The following MEGF11 variants were observed in gnomAD, a reference collection of about 807,000 sequenced individuals.
MEGF11 encodes the protein multiple EGF like domains 11, also known as multiple epidermal growth factor-like domains protein 11.
MEGF11 carries 126 observed loss-of-function variants against 146.6 expected under a neutral mutation model. The observed-to-expected ratio is 0.86, with a 90% confidence interval of 0.74 to 1.00. The LOEUF is 1.00. Among genes scored for constraint, MEGF11 ranks in the 50% least tolerant of loss-of-function variants. The pLI is 0.00. For synonymous variants in MEGF11, 532 were observed against 583.4 expected, an observed-to-expected ratio of 0.91 and a Z score of 1.27; for missense variants, 1,509 against 1,521.2, an observed-to-expected ratio of 0.99 and a Z score of 0.13.
rs1204479053 is a variant in MEGF11 at position 65,912,175 on chromosome 15, G to A, written c.2736C>T (p.Ala912=). The change falls in exon 21 of 26, where the codon GCC becomes GCT. Residue 912 remains alanine, a synonymous_variant. Coordinates refer to ENST00000395614, the MANE Select transcript of MEGF11 (RefSeq NM_001385028.1). The stretch of plus-strand genomic sequence containing the variant: ...GGTAGCTGGAATTGGAAAAGCAGTG[G>A]GCATGGCTGCTACTTTGAGACAAAT... ...LSDLSQSSSH[A]HCFSNSSYHA... The A allele has an allele frequency of 8.1e-7, 1 of 1,232,338 alleles. No homozygotes were observed. The highest frequency in any genetic ancestry group is 1.6e-5 in the African/African-American group (1 of 64,380). The allele number at this position is 1,232,338 out of a possible 1,614,324, so 76.3% of individuals were successfully genotyped here. A position where few individuals can be genotyped will look rare whatever the true frequency, so the allele number is the denominator to read the frequency against.
chr15:66,185,769 C>A (rs868569869), intron 1 of MEGF11, among the ~76,000 whole-genome samples: 1 of 152,136 alleles, frequency 6.6e-6, no homozygotes, highest in Admixed American at 6.5e-5. Flanking sequence ...GACCAGAACA[C>A]CAGAAGCAGA....
chr15:66,223,656 G>A (rs749732653), intron 1 of MEGF11, among the ~76,000 whole-genome samples: 14 of 152,220 alleles, frequency 9.2e-5, no homozygotes, highest in African/African-American at 2.9e-4. Flanking sequence ...CTGGGAGGCA[G>A]AGGCTGCAGT....
At chr15:66,143,827 T>C (rs1237903609) in intron 1 of MEGF11, among the ~76,000 whole-genome samples, 5 of 152,120 alleles carry the variant, frequency 3.3e-5, no homozygotes, top group Admixed American at 6.5e-5. Flanking sequence ...CTCACCCTCA[T>C]TCACCGTGTC....
chr15:66,239,776 C>G (rs1170630885), intron 1 of MEGF11, among the ~76,000 whole-genome samples: 1 of 152,238 alleles, frequency 6.6e-6, no homozygotes, highest in Non-Finnish European at 1.5e-5. Flanking sequence ...AGGCACCATG[C>G]CACAGGGCAT....
intron 4 of MEGF11, among the ~76,000 whole-genome samples, chr15:66,108,768 C>T (rs1467408089): frequency 4.6e-5 from 7 of 152,136 alleles, no homozygotes; most frequent in Admixed American, 3.3e-4. Flanking sequence ...AGCTAACGCC[C>T]AACAAGGACC....
In MEGF11 at chr15:66,171,868, C is replaced by T. The variant is rs115985481; in HGVS notation, c.-8-43457G>A. On this transcript the variant is annotated intron_variant, in intron 1 of 25. Coordinates refer to ENST00000395614, the MANE Select transcript of MEGF11 (RefSeq NM_001385028.1). The stretch of plus-strand genomic sequence containing the variant: ...CCACTAATTGTCCAAAATTTCATTC[C>T]CTCATCTTTCTTGGTTAAGGATTGA... Among the ~76,000 whole-genome samples the T allele has an allele frequency of 3.3e-3, 504 of 152,198 alleles. 2 individuals are homozygous for T. The highest frequency in any genetic ancestry group is 0.01 in the African/African-American group (427 of 41,518).
intron 5 of MEGF11, among the ~76,000 whole-genome samples, chr15:66,071,785 C>A (rs1308798397): frequency 6.6e-6 from 1 of 152,240 alleles, no homozygotes; most frequent in Non-Finnish European, 1.5e-5. Context: ...AAAGCTGGTT[C>A]CAACTCCGCA....
intron 1 of MEGF11, among the ~76,000 whole-genome samples, chr15:66,197,271 G>A (rs1360058805): frequency 6.6e-6 from 1 of 152,042 alleles, no homozygotes; most frequent in East Asian, 1.9e-4. Context: ...TACTGGGCAA[G>A]ATCTCTGATT....
intron 4 of MEGF11, among the ~76,000 whole-genome samples, chr15:66,118,634 A>T (rs1486574887): frequency 6.6e-6 from 1 of 152,016 alleles, no homozygotes; most frequent in African/African-American, 2.4e-5. Context: ...GACATCCAAC[A>T]ACTCAGCCTT....
intron 5 of MEGF11, among the ~76,000 whole-genome samples, chr15:66,020,983 C>T (rs2083095581): frequency 1.1e-5 from 1 of 90,014 alleles, no homozygotes. Flanking sequence ...CAGAGCGAAA[C>T]TCCATCTCAA....
chr15:65,970,252 T>C (rs112623773), intron 8 of MEGF11, among the ~76,000 whole-genome samples: 1,798 of 152,356 alleles, frequency 0.012, 28 homozygotes, highest in African/African-American at 0.041. Context: ...GGATTATCTG[T>C]GCCATTGCCT....
At chr15:66,040,446 A>G (rs1053990482) in intron 5 of MEGF11, 2 of 152,772 alleles carry the variant, frequency 1.3e-5, no homozygotes, top group Non-Finnish European at 2.9e-5. Flanking sequence ...TCTTTCTCAC[A>G]TAACAATCAT....
chr15:65,990,258 C>A (rs746648), intron 5 of MEGF11, among the ~76,000 whole-genome samples: 48,714 of 151,990 alleles, frequency 0.32, 8,083 homozygotes, highest in East Asian at 0.6. Flanking sequence ...TGTCCCCATT[C>A]AGAAATACTG....
intron 5 of MEGF11, among the ~76,000 whole-genome samples, chr15:66,056,050 C>A (rs1029784510): frequency 6.6e-6 from 1 of 152,062 alleles, no homozygotes; most frequent in Non-Finnish European, 1.5e-5. Context: ...CATATGTGAG[C>A]GTGTTAGAAA....
At chr15:66,097,942 G>T (rs1383278139) in intron 4 of MEGF11, among the ~76,000 whole-genome samples, 1 of 152,076 alleles carries the variant, frequency 6.6e-6, no homozygotes, top group African/African-American at 2.4e-5. Flanking sequence ...CCTCCTCAGG[G>T]TCTGTTTGTC....
chr15:66,244,659 T>C (rs1232017017), intron 1 of MEGF11, among the ~76,000 whole-genome samples: 1 of 152,128 alleles, frequency 6.6e-6, no homozygotes, highest in Non-Finnish European at 1.5e-5. Context: ...AATCCCGACT[T>C]CACAGGGTGG....
chr15:66,147,595 C>T (rs2089420862), intron 1 of MEGF11, among the ~76,000 whole-genome samples: 1 of 152,200 alleles, frequency 6.6e-6, no homozygotes, highest in African/African-American at 2.4e-5. Context: ...CCAGGTAGGG[C>T]AACAGTGCTC....
intron 1 of MEGF11, among the ~76,000 whole-genome samples, chr15:66,244,294 G>A (rs1188515591): frequency 6.6e-6 from 1 of 152,140 alleles, no homozygotes; most frequent in Non-Finnish European, 1.5e-5. Context: ...AGGCCCATTA[G>A]TAAGTCCTCT....
intron 5 of MEGF11, among the ~76,000 whole-genome samples, chr15:66,087,033 A>G (rs1335982547): frequency 6.6e-6 from 1 of 152,234 alleles, no homozygotes; most frequent in Non-Finnish European, 1.5e-5. Context: ...TTCTTATATT[A>G]CACAAAACAA....
Sources: allele counts gnomAD v4.1 joint callset (sites outside exome capture counted in the v4.1 genomes callset), GRCh38; gene constraint gnomAD v4.1.1; transcripts MANE v1.5; gene names NCBI Gene and HGNC (gene_info 2026-07-23, HGNC 2026-07-21).